ZNF595: variants seen among roughly 807,000 people sequenced by gnomAD.
ZNF595 encodes zinc finger protein 595.
In ZNF595, 9 loss-of-function variants were observed where a neutral mutation model predicts 19.4. The observed-to-expected ratio is 0.46, with a 90% CI of 0.28 to 0.81. The LOEUF is 0.81. Among genes scored for constraint, ZNF595 ranks in the 30% least tolerant of loss-of-function variants. The pLI, the probability that ZNF595 is intolerant of heterozygous loss-of-function variation, is 0.11. For synonymous variants in ZNF595, 255 were observed against 255.9 expected (o/e 1.00, Z 0.03); for missense variants, 729 against 736.0 (o/e 0.99, Z 0.11).
intron 3 of ZNF595, among the ~76,000 whole-genome samples, chr4:83,641 AAAAAGAAAG>A (rs1714016437): frequency 7.1e-6 from 1 of 140,280 alleles, no homozygotes; most frequent in African/African-American, 2.9e-5. Context: ...AAAAAAAAAA[AAAAAGAAAG>A]AAAGAAAGAA....
Position 86,859 on chromosome 4 carries a change from A to G in ZNF595, c.1355A>G (p.Tyr452Cys), listed in dbSNP as rs1553801816. 2 of 1,613,892 alleles carry G rather than the reference A, an allele frequency of 1.2e-6. No homozygotes were observed. Among genetic ancestry groups the G allele is most frequent in the South Asian group, 2.2e-5 (2 of 91,064 alleles). The change falls in exon 4 of 4, where the codon TAC (tyrosine) becomes TGC (cysteine). Residue 452 changes from tyrosine to cysteine, a missense_variant. By Grantham distance (194) the Tyr-to-Cys change is radical. Around this residue, in one of 2 missense-constraint regions of ZNF595, gnomAD observed 729 missense variants for 675.3 expected, o/e 1.08. Coordinates refer to ENST00000610261, the MANE Select transcript of ZNF595 (RefSeq NM_182524.4). ...HKRIHSGQKPYKCEECGKAFT... is the reference protein window; with the variant it reads ...HKRIHSGQKPCKCEECGKAFT... ...AGAATCCATTCTGGGCAAAAACCTT[A>G]CAAATGTGAAGAATGTGGCAAAGCC...
intron 3 of ZNF595, chr4:67,931 A>AT: frequency 2.3e-6 from 1 of 440,874 alleles, no homozygotes; most frequent in South Asian, 4.1e-5. Context: ...CAGTGGCGCC[A>AT]TCTCGTTTCA....
At chr4:66,648 G>A (rs1327070107) in intron 3 of ZNF595, among the ~76,000 whole-genome samples, 1 of 151,482 alleles carries the variant, frequency 6.6e-6, no homozygotes, top group Non-Finnish European at 1.5e-5. Context: ...TCCAACCTCA[G>A]TTTTTTCATA....
chr4:69,683 G>A (rs1409262098), intron 3 of ZNF595, among the ~76,000 whole-genome samples: 3 of 152,190 alleles, frequency 2.0e-5, no homozygotes, highest in East Asian at 3.9e-4. Context: ...CTAATTTTGT[G>A]TGTTGTCTCT....
At chr4:70,341 CTT>C (rs111892917) in intron 3 of ZNF595, among the ~76,000 whole-genome samples, 46 of 143,774 alleles carry the variant, frequency 3.2e-4, no homozygotes, top group African/African-American at 9.4e-4. Flanking sequence ...GATAAATATC[CTT>C]TTTTTTTTTT....
chr4:87,504 G>A lies in ZNF595; in HGVS notation c.*53G>A, dbSNP rs2108765927. Reference sequence around the variant, plus strand: ...AGTGTCTTTACACAGCAAATAAATTGGAGAATATTGCTCCCATATAAACTT... The same window carrying A: ...AGTGTCTTTACACAGCAAATAAATTAGAGAATATTGCTCCCATATAAACTT... On this transcript the variant is annotated 3_prime_UTR_variant, in exon 4 of 4. Transcript: ENST00000610261. 2 of 1,402,916 alleles carry A rather than the reference G, an allele frequency of 1.4e-6. No individual in the cohort carries two copies. The highest frequency in any genetic ancestry group is 2.5e-5 in the East Asian group (1 of 40,646). The allele number at this position is 1,402,916 out of a possible 1,614,324, so 86.9% of individuals were successfully genotyped here. A position where few individuals can be genotyped will look rare whatever the true frequency, so the allele number is the denominator to read the frequency against.
At chr4:65,223 C>T (rs1380630339) in intron 3 of ZNF595, among the ~76,000 whole-genome samples, 12 of 141,230 alleles carry the variant, frequency 8.5e-5, no homozygotes, top group Admixed American at 2.9e-4. Context: ...TGGGTGAGGG[C>T]CTGCTTTTCC....
chr4:73,591 C>G (rs2108755961), intron 3 of ZNF595, among the ~76,000 whole-genome samples: 1 of 152,282 alleles, frequency 6.6e-6, no homozygotes, highest in East Asian at 1.9e-4. Flanking sequence ...TGATAGGGCA[C>G]AAAGGATTGG....
Position 86,822 on chromosome 4 carries a change from A to G in ZNF595, c.1318A>G (p.Ile440Val), listed in dbSNP as rs1714213031. 1 of 1,613,810 alleles carries G rather than the reference A, an allele frequency of 6.2e-7. No individual in the cohort carries two copies. The highest frequency in any genetic ancestry group is 8.5e-7 in the Non-Finnish European group (1 of 1,179,912). ...AGCTTTTAACCAATCCTCAACTCTT[A>G]TATTACACAAGAGAATCCATTCTGG... is the stretch of plus-strand genomic sequence containing the variant. Reference protein sequence around the residue: ...GKAFNQSSTLILHKRIHSGQK... With the variant: ...GKAFNQSSTLVLHKRIHSGQK... The change falls in exon 4 of 4, where the codon ATA (isoleucine) becomes GTA (valine). Residue 440 changes from isoleucine to valine, a missense_variant. Coordinates refer to ENST00000610261, the MANE Select transcript of ZNF595 (RefSeq NM_182524.4).
intron 3 of ZNF595, among the ~76,000 whole-genome samples, chr4:72,531 T>C (rs1581375101): frequency 6.6e-6 from 1 of 152,184 alleles, no homozygotes; most frequent in South Asian, 2.1e-4. Flanking sequence ...TACTCTGTTA[T>C]CCTGTTATCT....
chr4:79,636 T>C (rs539905447), intron 3 of ZNF595, among the ~76,000 whole-genome samples: 111 of 152,134 alleles, frequency 7.3e-4, no homozygotes, highest in African/African-American at 2.5e-3. Flanking sequence ...CTTTATAGTA[T>C]ATTTTCGAAT....
Position 71,726 on chromosome 4 carries a change from T to A in ZNF595, c.226+11573T>A, listed in dbSNP as rs142741113. Among the ~76,000 whole-genome samples, 19 of 152,330 alleles carry A rather than the reference T, an allele frequency of 1.2e-4. No homozygotes were observed. In the East Asian group the frequency reaches 3.3e-3, roughly 26 times the overall value. ...ACCAAATCCTTATGGCATTAAGATT[T>A]TCTTTCTCCAAATCCAGTTTCCATG... On this transcript the variant is annotated intron_variant, in intron 3 of 3. Transcript: ENST00000610261.
chr4:80,942 G>A (rs977408533), intron 3 of ZNF595, among the ~76,000 whole-genome samples: 2 of 151,982 alleles, frequency 1.3e-5, no homozygotes, highest in Non-Finnish European at 1.5e-5. Context: ...TTTAAGCCCC[G>A]CACTCATTAG....
chr4:66,750 T>A (rs1166309953), intron 3 of ZNF595, among the ~76,000 whole-genome samples: 4,385 of 150,684 alleles, frequency 0.029, no homozygotes, highest in African/African-American at 0.1. Flanking sequence ...CATTTGAACA[T>A]ATACACAGTG....
intron 3 of ZNF595, among the ~76,000 whole-genome samples, chr4:84,562 C>A (rs1553800704): frequency 6.6e-6 from 1 of 152,162 alleles, no homozygotes; most frequent in East Asian, 1.9e-4. Context: ...TTGACAGATT[C>A]ACTGGTTATG....
At chr4:72,801 G>T (rs1288359529) in intron 3 of ZNF595, among the ~76,000 whole-genome samples, 1 of 152,162 alleles carries the variant, frequency 6.6e-6, no homozygotes, top group Admixed American at 6.5e-5. Flanking sequence ...TGTATAAAAT[G>T]AAGGGAATAA....
intron 3 of ZNF595, among the ~76,000 whole-genome samples, chr4:66,300 T>C: frequency 6.6e-6 from 1 of 151,980 alleles, no homozygotes; most frequent in Non-Finnish European, 1.5e-5. Context: ...GAGAAACATT[T>C]TCATCTCTTG....
At chr4:82,229 T>G (rs1413547350) in intron 3 of ZNF595, among the ~76,000 whole-genome samples, 1 of 152,134 alleles carries the variant, frequency 6.6e-6, no homozygotes, top group Non-Finnish European at 1.5e-5. Context: ...TGCAAAAATT[T>G]AATTAAAAAT....
chr4:78,133 C>G (rs1553799100), intron 3 of ZNF595, among the ~76,000 whole-genome samples: 1 of 152,126 alleles, frequency 6.6e-6, no homozygotes, highest in Non-Finnish European at 1.5e-5. Context: ...CTCAGCCTCC[C>G]GAGTAGCTGG....
Sources: gnomAD v4.1 joint callset for allele counts (sites outside exome capture counted in the v4.1 genomes callset) on GRCh38, gnomAD v4.1.1 for gene constraint, gnomAD v4.1.1 regional missense constraint, MANE v1.5 for transcripts, NCBI Gene and HGNC (gene_info 2026-07-23, HGNC 2026-07-21) for gene names.